ERC2: variants seen among roughly 807,000 people sequenced by gnomAD.
ERC2 encodes the protein ERC protein 2.
A neutral mutation model predicts 114.8 loss-of-function variants in ERC2; 42 were observed. The ratio of observed to expected loss-of-function variants is 0.37; its 90% CI spans 0.29 to 0.47. The LOEUF is 0.47. ERC2 is among the 20% of genes least tolerant of loss of function. ERC2 has a pLI of 0.99. For synonymous variants in ERC2, 454 were observed against 425.5 expected (o/e 1.07, Z -0.82); for missense variants, 939 against 1,150.7 (o/e 0.82, Z 2.66).
chr3:55,837,399 A>T (rs1294602978), intron 14 of ERC2, among the ~76,000 whole-genome samples: 1 of 152,120 alleles, frequency 6.6e-6, no homozygotes, highest in Non-Finnish European at 1.5e-5. Flanking sequence ...TGTGGCACAT[A>T]TACACCATGG....
At chr3:56,149,180 T>A in intron 4 of ERC2, 48 bp from the exon 5 acceptor site, 1 of 1,494,756 alleles carries the variant, frequency 6.7e-7, no homozygotes, top group South Asian at 1.3e-5. Context: ...ATAAAAATTA[T>A]TTTTAAGATC....
At chr3:55,870,706 G>T (rs2062543947) in intron 14 of ERC2, among the ~76,000 whole-genome samples, 1 of 152,092 alleles carries the variant, frequency 6.6e-6, no homozygotes, top group Admixed American at 6.6e-5. Flanking sequence ...ATTCCCAGGG[G>T]GCTAAGGAGC....
chr3:55,778,136 G>A (rs1414984607), intron 14 of ERC2, among the ~76,000 whole-genome samples: 1 of 152,132 alleles, frequency 6.6e-6, no homozygotes, highest in African/African-American at 2.4e-5. Context: ...TACCTATGAT[G>A]TAAATGCATA....
chr3:55,859,061 T>G (rs184925485), intron 14 of ERC2, among the ~76,000 whole-genome samples: 1 of 152,160 alleles, frequency 6.6e-6, no homozygotes, highest in African/African-American at 2.4e-5. Flanking sequence ...GACATGGCCA[T>G]GTACTTCTCC....
At position 56,120,280 on chromosome 3, in the gene ERC2, G is replaced by A. The variant is rs762409320; in HGVS notation, c.1473+19229C>T. Among the ~76,000 whole-genome samples, 5 of 152,220 alleles carry A rather than the reference G, an allele frequency of 3.3e-5. No individual in the cohort carries two copies. In the East Asian group the frequency reaches 5.8e-4, roughly 18 times the overall value. On this transcript the variant is annotated intron_variant, in intron 6 of 17. Coordinates refer to ENST00000288221, the MANE Select transcript of ERC2 (RefSeq NM_015576.3). ...CGGCTCTCCAGTTATGACAGTTCCC[G>A]CTCAGCCAGTTTCTCTGATTTATGA...
chr3:56,382,188 C>T (rs530863117), intron 2 of ERC2, among the ~76,000 whole-genome samples: 3 of 152,236 alleles, frequency 2.0e-5, no homozygotes, highest in African/African-American at 4.8e-5. Flanking sequence ...TCTGGGTGCC[C>T]CAACACGTGT....
chr3:55,924,967 C>A (rs377753157), intron 13 of ERC2, among the ~76,000 whole-genome samples: 109 of 152,332 alleles, frequency 7.2e-4, no homozygotes, highest in African/African-American at 2.5e-3. Flanking sequence ...TATATCCTCA[C>A]ATCTCTCTGA....
intron 14 of ERC2, among the ~76,000 whole-genome samples, chr3:55,840,393 T>C (rs1482517083): frequency 1.3e-5 from 2 of 151,900 alleles, no homozygotes; most frequent in Admixed American, 6.6e-5. Flanking sequence ...TTCATTAGTC[T>C]TTAGGGAAAG....
At chr3:55,947,888 T>C (rs1267544371) in intron 13 of ERC2, among the ~76,000 whole-genome samples, 1 of 152,250 alleles carries the variant, frequency 6.6e-6, no homozygotes, top group Non-Finnish European at 1.5e-5. Context: ...TTATTTTTCC[T>C]ACACACAAGC....
At chr3:55,979,614 G>T (rs1303491038) in intron 12 of ERC2, among the ~76,000 whole-genome samples, 1 of 152,078 alleles carries the variant, frequency 6.6e-6, no homozygotes, top group South Asian at 2.1e-4. Flanking sequence ...CAGTAAGAGA[G>T]GTACTTATAT....
At chr3:56,144,691 A>G (rs775838654) in intron 5 of ERC2, among the ~76,000 whole-genome samples, 8 of 152,246 alleles carry the variant, frequency 5.3e-5, no homozygotes. Flanking sequence ...CAATAAAAAT[A>G]GATTGATAAT....
chr3:56,227,203 T>G (rs1004447390), intron 3 of ERC2, among the ~76,000 whole-genome samples: 3 of 152,108 alleles, frequency 2.0e-5, no homozygotes, highest in Non-Finnish European at 4.4e-5. Flanking sequence ...ACAGATACAG[T>G]GTGTTCTGTT....
intron 1 of ERC2, among the ~76,000 whole-genome samples, chr3:56,446,232 A>G (rs1416927129): frequency 6.6e-6 from 1 of 152,198 alleles, no homozygotes; most frequent in African/African-American, 2.4e-5. Flanking sequence ...AGGAATTAGC[A>G]TAGCTCCACC....
At chr3:56,085,156 T>C (rs2077439015) in intron 6 of ERC2, among the ~76,000 whole-genome samples, 2 of 152,208 alleles carry the variant, frequency 1.3e-5, no homozygotes, top group South Asian at 2.1e-4. Context: ...GATGATGATA[T>C]TAGCGATAAA....
chr3:56,341,247 A>G (rs1039417217), intron 2 of ERC2, among the ~76,000 whole-genome samples: 2 of 151,982 alleles, frequency 1.3e-5, no homozygotes, highest in African/African-American at 4.8e-5. Context: ...AGGCTATTCT[A>G]AGGTGAACTG....
chr3:55,791,828 C>G (rs562273562), intron 14 of ERC2, among the ~76,000 whole-genome samples: 2 of 152,148 alleles, frequency 1.3e-5, no homozygotes, highest in African/African-American at 4.8e-5. Flanking sequence ...TTTTTCTGCC[C>G]TTTATTTAAC....
intron 12 of ERC2, among the ~76,000 whole-genome samples, chr3:55,969,576 G>A (rs923541273): frequency 3.9e-5 from 6 of 152,188 alleles, no homozygotes; most frequent in African/African-American, 1.4e-4. Context: ...TAAGCAGCCA[G>A]TTGACCTGCA....
intron 2 of ERC2, among the ~76,000 whole-genome samples, chr3:56,298,109 A>C (rs535048449): frequency 6.6e-6 from 1 of 152,344 alleles, no homozygotes; most frequent in South Asian, 2.1e-4. Context: ...AAGTTGTACA[A>C]CCATCAACAC....
chr3:56,374,646 G>A (rs1281710966), intron 2 of ERC2, among the ~76,000 whole-genome samples: 1 of 152,014 alleles, frequency 6.6e-6, no homozygotes, highest in Non-Finnish European at 1.5e-5. Flanking sequence ...TAAGTGGTAG[G>A]GCTAAGAAGT....
Sources: allele counts gnomAD v4.1 joint callset (sites outside exome capture counted in the v4.1 genomes callset), GRCh38; gene constraint gnomAD v4.1.1; transcripts MANE v1.5; gene names NCBI Gene and HGNC (gene_info 2026-07-23, HGNC 2026-07-21).